The following LDB3 variants were observed in gnomAD, a reference collection of about 807,000 sequenced individuals.
The protein encoded by LDB3 is LIM domain-binding protein 3.
Under a neutral mutation model 69.0 loss-of-function variants are expected in LDB3, and 49 were observed. The observed-to-expected ratio is 0.71, with a 90% CI of 0.56 to 0.90. The LOEUF (loss-of-function observed/expected upper bound fraction) is 0.90, where lower values mean the gene tolerates loss of function less well. Ranked by LOEUF, LDB3 falls within the 40% of genes least tolerant of loss-of-function variation. LDB3 has a pLI of 0.00. For missense variants in LDB3, 928 were observed against 974.1 expected, an observed-to-expected ratio of 0.95 and a Z score of 0.63; for synonymous variants, 387 against 396.2, an observed-to-expected ratio of 0.98 and a Z score of 0.28.
chr10:86,707,681 G>C (rs1446648215), intron 8 of LDB3, among the ~76,000 whole-genome samples: 14 of 152,186 alleles, frequency 9.2e-5, no homozygotes, highest in Non-Finnish European at 2.1e-4. Flanking sequence ...CTTGGATCAG[G>C]ATGGGTAGGT....
chr10:86,722,957 T>C (rs1331354379), intron 12 of LDB3, among the ~76,000 whole-genome samples: 1 of 152,120 alleles, frequency 6.6e-6, no homozygotes, highest in Non-Finnish European at 1.5e-5. Flanking sequence ...TTTAATTTAA[T>C]TTTTATATTT....
chr10:86,668,465 C>A (rs893854356), upstream of LDB3: 5 of 621,856 alleles, frequency 8.0e-6, no homozygotes, highest in African/African-American at 3.6e-5. Flanking sequence ...CATTTATGGG[C>A]GCAGCCGAAG....
chr10:86,684,602 G>A (rs928210275), intron 5 of LDB3, among the ~76,000 whole-genome samples: 6 of 152,232 alleles, frequency 3.9e-5, no homozygotes, highest in Non-Finnish European at 8.8e-5. Flanking sequence ...AGGCAGTGGC[G>A]GGCCTGGGGC....
chr10:86,688,325 G>C (rs1439113463), intron 5 of LDB3, among the ~76,000 whole-genome samples: 1 of 152,164 alleles, frequency 6.6e-6, no homozygotes, highest in African/African-American at 2.4e-5. Context: ...AGAGAACCCA[G>C]TTGCACTTGG....
chr10:86,680,116 C>T lies in LDB3; in HGVS notation c.280C>T (p.Pro94Ser), dbSNP rs565557622. ...TCCCATTCCCATCTCCACGACAGCA[C>T]CTCCAGTCCAGACCCCTCTGCCGGT... Reference protein sequence around the residue: ...KRPIPISTTAPPVQTPLPVIP... With the variant: ...KRPIPISTTASPVQTPLPVIP... The change falls in exon 4 of 14, where the codon CCT (proline) becomes TCT (serine). Residue 94 changes from proline to serine, a missense_variant. By Grantham distance (74) the Pro-to-Ser change is moderately conservative. Coordinates refer to ENST00000361373, the MANE Select transcript of LDB3 (RefSeq NM_007078.3). 1.2e-6 allele frequency: 2 copies of T among 1,614,118 alleles called. No individual in the cohort carries two copies. Among genetic ancestry groups the T allele is most frequent in the African/African-American group, 2.7e-5 (2 of 74,940 alleles).
chr10:86,696,909 C>A (rs563239427), intron 7 of LDB3, among the ~76,000 whole-genome samples: 2 of 152,366 alleles, frequency 1.3e-5, no homozygotes, highest in Admixed American at 6.5e-5. Context: ...CTCTGGGCTT[C>A]AGCTTCCTCT....
At chr10:86,700,615 T>C (rs890442274) in intron 7 of LDB3, among the ~76,000 whole-genome samples, 4 of 152,150 alleles carry the variant, frequency 2.6e-5, no homozygotes, top group African/African-American at 9.7e-5. Flanking sequence ...CTGGGAAGGC[T>C]TCCACCTGGG....
intron 2 of LDB3, among the ~76,000 whole-genome samples, chr10:86,678,491 C>A (rs1044460606): frequency 2.6e-5 from 4 of 152,010 alleles, no homozygotes; most frequent in African/African-American, 9.7e-5. Context: ...AGGCGCCCAC[C>A]ACCAGGCATG....
chr10:86,693,131 C>T (rs544939005), intron 7 of LDB3, among the ~76,000 whole-genome samples: 56 of 152,102 alleles, frequency 3.7e-4, no homozygotes, highest in Non-Finnish European at 7.8e-4. Flanking sequence ...TTGTGCCAAG[C>T]TGGGGTCTTA....
At chr10:86,669,346 C>T (rs1031143706) in intron 2 of LDB3, among the ~76,000 whole-genome samples, 7 of 152,196 alleles carry the variant, frequency 4.6e-5, no homozygotes, top group Non-Finnish European at 8.8e-5. Context: ...TGGGGCTGGG[C>T]GCTTCTCCCC....
intron 9 of LDB3, among the ~76,000 whole-genome samples, chr10:86,714,765 G>A (rs947608000): frequency 1.3e-5 from 2 of 152,068 alleles, no homozygotes; most frequent in Non-Finnish European, 2.9e-5. Flanking sequence ...CACCACATTA[G>A]CCAGGATGGT....
chr10:86,702,502 G>A (rs1176549717), intron 7 of LDB3, among the ~76,000 whole-genome samples: 2 of 152,332 alleles, frequency 1.3e-5, no homozygotes, highest in East Asian at 1.9e-4. Context: ...GGGGACGATG[G>A]TCAGGCTGTG....
In LDB3 at chr10:86,699,682, G is replaced by T; in HGVS notation, c.897-6849G>T. 1 of 1,229,880 alleles carries T rather than the reference G, an allele frequency of 8.1e-7. No individual in the cohort carries two copies. Among genetic ancestry groups the T allele is most frequent in the Non-Finnish European group, 1.0e-6 (1 of 971,908 alleles). 76.2% of individuals were successfully genotyped at this position (1,229,880 alleles called of 1,614,324 possible). A position where few individuals can be genotyped will look rare whatever the true frequency, so the allele number is the denominator to read the frequency against. On this transcript the variant is annotated intron_variant, in intron 7 of 13. Coordinates refer to ENST00000361373, the MANE Select transcript of LDB3 (RefSeq NM_007078.3). This position sits in a 1 kb window ranked among gnomAD's most constrained non-coding sequence, Gnocchi z 4.9. ...GCTGTAGACCAGAGAGGGCAGGAGG[G>T]GTTTGCTGGCATAACACCCCAGAAC...
At chr10:86,721,984 AAT>A (rs1194097307) in intron 12 of LDB3, among the ~76,000 whole-genome samples, 1 of 152,236 alleles carries the variant, frequency 6.6e-6, no homozygotes, top group Non-Finnish European at 1.5e-5. Flanking sequence ...TAAAGGAAGG[AAT>A]AAATATATGA....
Position 86,700,026 on chromosome 10 carries a change from T to C in LDB3, c.897-6505T>C, listed in dbSNP as rs956731232. The C allele has an allele frequency of 2.1e-5, 21 of 986,248 alleles. No individual in the cohort carries two copies. In the African/African-American group the frequency reaches 3.0e-4, roughly 14 times the overall value. The allele number at this position is 986,248 out of a possible 1,614,324, so 61.1% of individuals were successfully genotyped here. On this transcript the variant is annotated intron_variant, in intron 7 of 13. Transcript: ENST00000361373. ...ACATATAAGCATGCTTGTTCTGAAA[T>C]AAAGAAGATTTGAAGTGAACCACAC...
At chr10:86,726,481 G>A in intron 13 of LDB3, 4 of 562,506 alleles carry the variant, frequency 7.1e-6, no homozygotes, top group South Asian at 1.9e-5. Flanking sequence ...ATTTCGTTAA[G>A]GACAACAGAG....
rs1307089212 is a variant in LDB3, at chr10:86,699,280, A to T, written c.896+6709A>T. The T allele has an allele frequency of 6.2e-7, 1 of 1,612,412 alleles. No homozygotes were observed. Among genetic ancestry groups the T allele is most frequent in the Non-Finnish European group, 8.5e-7 (1 of 1,179,728 alleles). On this transcript the variant is annotated intron_variant, in intron 7 of 13. Transcript: ENST00000361373. This position sits in a 1 kb window ranked among gnomAD's most constrained non-coding sequence, Gnocchi z 4.9. ...CTCTCTCTCTCTCTGTGCCACAGGGAAAGGTTTGAAACGGAACGTAACAGC... is the reference window on the plus strand; with the variant it reads ...CTCTCTCTCTCTCTGTGCCACAGGGTAAGGTTTGAAACGGAACGTAACAGC...
In LDB3 at chr10:86,699,558, C is replaced by T; in HGVS notation, c.897-6973C>T. 2.0e-6 allele frequency: 3 copies of T among 1,468,056 alleles called. No homozygotes were observed. The highest frequency in any genetic ancestry group is 2.5e-5 in the East Asian group (1 of 39,582). The allele number at this position is 1,468,056 out of a possible 1,614,324, so 90.9% of individuals were successfully genotyped here. ...CCCCAGAGCTGATGCTGGGGCCCAG[C>T]CCCCTGCAGCTCTGTACCCACCAAA... On this transcript the variant is annotated intron_variant, in intron 7 of 13. Coordinates refer to ENST00000361373, the MANE Select transcript of LDB3 (RefSeq NM_007078.3). This position sits in a 1 kb window ranked among gnomAD's most constrained non-coding sequence, Gnocchi z 4.9.
chr10:86,733,263 C>A lies in LDB3; in HGVS notation c.*287C>A. ...ATTCCAAGAACTCAAAAGTGAAAAG[C>A]AACAAGCAGCTTTCCCAAAGCGATA... On this transcript the variant is annotated 3_prime_UTR_variant, in exon 14 of 14. Transcript: ENST00000361373. 2.5e-6 allele frequency: 1 copy of A among 401,140 alleles called. No individual in the cohort carries two copies. Among genetic ancestry groups the A allele is most frequent in the South Asian group, 2.2e-5 (1 of 46,056 alleles). The allele number at this position is 401,140 out of a possible 1,614,324, so 24.8% of individuals were successfully genotyped here.
Sources: gnomAD v4.1 joint callset for allele counts (sites outside exome capture counted in the v4.1 genomes callset) on GRCh38, gnomAD v4.1.1 for gene constraint, Gnocchi (gnomAD v3.1) non-coding constraint, MANE v1.5 for transcripts, NCBI Gene and HGNC (gene_info 2026-07-23, HGNC 2026-07-21) for gene names.